Variants in USP20 observed in about 807,000 individuals in gnomAD.
USP20 encodes ubiquitin carboxyl-terminal hydrolase 20.
Under a neutral mutation model 124.2 loss-of-function variants are expected in USP20, and 80 were observed. The ratio of observed to expected loss-of-function variants is 0.64; its 90% CI spans 0.54 to 0.78. USP20 has a LOEUF of 0.78. Ranked by LOEUF, USP20 falls within the 30% of genes least tolerant of loss-of-function variation. USP20 has a pLI of 0.00. For synonymous variants in USP20, 481 were observed against 512.3 expected, an observed-to-expected ratio of 0.94 and a Z score of 0.83; for missense variants, 1,043 against 1,244.4, an observed-to-expected ratio of 0.84 and a Z score of 2.44.
At position 129,837,230 on chromosome 9, in the gene USP20, G is replaced by A. The variant is rs572044027; in HGVS notation, c.-129+1731G>A. The stretch of plus-strand genomic sequence containing the variant: ...CTGGGCCCTTTTAAGCGTAGGATGA[G>A]ACTGTCTCTCAAAAGGACCCTCCGA... On this transcript the variant is annotated intron_variant, in intron 1 of 25. Transcript: ENST00000372429. Among the ~76,000 whole-genome samples, 4 of 152,350 alleles carry A rather than the reference G, an allele frequency of 2.6e-5. No individual in the cohort carries two copies. The East Asian group carries it at 7.7e-4, about 29-fold the overall frequency.
intron 17 of USP20, 31 bp from the exon 18 acceptor site, chr9:129,874,545 T>C (rs1207072043): frequency 6.2e-7 from 1 of 1,609,464 alleles, no homozygotes; most frequent in Non-Finnish European, 8.5e-7. Flanking sequence ...CATTTCTTCC[T>C]AGATGACCGG....
At chr9:129,866,046 G>A (rs1204501483) in intron 10 of USP20, among the ~76,000 whole-genome samples, 3 of 152,248 alleles carry the variant, frequency 2.0e-5, no homozygotes, top group African/African-American at 2.4e-5. Flanking sequence ...GTGCAGCCAC[G>A]CGTACACCTC....
At chr9:129,857,970 T>G in intron 4 of USP20, 80 bp from the exon 5 acceptor site, 1 of 1,358,302 alleles carries the variant, frequency 7.4e-7, no homozygotes, top group Non-Finnish European at 1.0e-6. Flanking sequence ...GGGCACTGAC[T>G]TTGGGATGGA....
At chr9:129,835,618 C>G (rs923416240) in intron 1 of USP20, 119 bp downstream of exon 1, 18 of 158,856 alleles carry the variant, frequency 1.1e-4, no homozygotes, top group Non-Finnish European at 1.8e-4. Flanking sequence ...CGCAGCGGCC[C>G]GGTGAGCGGA....
intron 22 of USP20, among the ~76,000 whole-genome samples, chr9:129,877,024 G>T (rs1306933190): frequency 6.6e-6 from 1 of 152,158 alleles, no homozygotes. Flanking sequence ...AAAGCAGGAA[G>T]TGAAAACCAA....
At chr9:129,846,446 TG>T (rs1325287799) in intron 1 of USP20, among the ~76,000 whole-genome samples, 1 of 149,482 alleles carries the variant, frequency 6.7e-6, no homozygotes, top group Non-Finnish European at 1.5e-5. Flanking sequence ...TTTGTAGAGA[TG>T]GGGTTTCACC....
chr9:129,880,742 C>T lies in USP20; in HGVS notation c.*292C>T, dbSNP rs903504679. The T allele has an allele frequency of 7.3e-5, 12 of 163,734 alleles. No individual in the cohort carries two copies. Among genetic ancestry groups the T allele is most frequent in the Admixed American group, 5.2e-4 (9 of 17,256 alleles). 10.1% of individuals were successfully genotyped at this position (163,734 alleles called of 1,614,324 possible). A position where few individuals can be genotyped will look rare whatever the true frequency, so the allele number is the denominator to read the frequency against. Reference sequence around the variant, plus strand: ...TCGGCCCAGCTTTGTCCCTGGAGCCCGATGCTACCCCTGTCAGACAGAGGC... The same window carrying T: ...TCGGCCCAGCTTTGTCCCTGGAGCCTGATGCTACCCCTGTCAGACAGAGGC... On this transcript the variant is annotated 3_prime_UTR_variant, in exon 26 of 26. Coordinates refer to ENST00000372429, the MANE Select transcript of USP20 (RefSeq NM_001110303.4).
intron 3 of USP20, among the ~76,000 whole-genome samples, chr9:129,854,209 G>C (rs1453283712): frequency 1.3e-5 from 2 of 152,218 alleles, no homozygotes; most frequent in Non-Finnish European, 2.9e-5. Flanking sequence ...GGTAGGGCTA[G>C]GAATTACCGT....
At chr9:129,858,856 A>G (rs1379396223) in intron 6 of USP20, among the ~76,000 whole-genome samples, 7 of 152,068 alleles carry the variant, frequency 4.6e-5, no homozygotes, top group Non-Finnish European at 1.0e-4. Flanking sequence ...CTCGGAGACC[A>G]TGGGGTGGCC....
Position 129,844,643 on chromosome 9 carries a change from A to C in USP20, c.-128-5170A>C, listed in dbSNP as rs1348123627. Among the ~76,000 whole-genome samples, 4 of 147,724 alleles carry C rather than the reference A, an allele frequency of 2.7e-5. No individual in the cohort carries two copies. In the East Asian group the frequency reaches 7.7e-4, roughly 29 times the overall value. On this transcript the variant is annotated intron_variant, in intron 1 of 25. Transcript: ENST00000372429. ...TGTCTCAAAAAAAAAAAAAAAAAAA[A>C]AAAAATTATATATTCGTACATGTAA... is the stretch of plus-strand genomic sequence containing the variant.
chr9:129,862,405 T>C (rs1307922499), intron 8 of USP20, among the ~76,000 whole-genome samples: 1 of 152,028 alleles, frequency 6.6e-6, no homozygotes, highest in Non-Finnish European at 1.5e-5. Flanking sequence ...TACAAAAAAC[T>C]AGCTGGACGT....
chr9:129,841,956 A>T (rs939993782), intron 1 of USP20, among the ~76,000 whole-genome samples: 1 of 152,132 alleles, frequency 6.6e-6, no homozygotes, highest in Non-Finnish European at 1.5e-5. Flanking sequence ...TGTGACTTCT[A>T]TTCCTACCAA....
At chr9:129,863,566 A>T (rs1588269644) in intron 9 of USP20, among the ~76,000 whole-genome samples, 1 of 152,114 alleles carries the variant, frequency 6.6e-6, no homozygotes, top group Admixed American at 6.6e-5. Context: ...CCTACTGTTG[A>T]CCCTACCGAG....
rs1013380026 is a variant in USP20 at position 129,878,421 on chromosome 9, C to T, written c.2493C>T (p.Phe831=). Residue 831 remains phenylalanine (F), a synonymous_variant, in exon 23 of 26, where the codon TTC becomes TTT. Coordinates refer to ENST00000372429, the MANE Select transcript of USP20 (RefSeq NM_001110303.4). ...AGTGGTTCCGGGAGTGGGAGGCGTT[C>T]GTCAAGGGGAAGGACAACGGTGAGC... ...SMQWFREWEA[F]VKGKDNEPPG... The T allele has an allele frequency of 5.0e-6, 8 of 1,609,050 alleles. No individual in the cohort carries two copies. Among genetic ancestry groups the T allele is most frequent in the African/African-American group, 2.7e-5 (2 of 74,876 alleles).
rs547054385 is a variant in USP20, at chr9:129,868,503, A to C, written c.1135+54A>C. ...AACCTCAGCCTATGGCCCAGTACCTACCGGGTGCTGAGCGCCGACCTGCAG... is the reference window on the plus strand; with the variant it reads ...AACCTCAGCCTATGGCCCAGTACCTCCCGGGTGCTGAGCGCCGACCTGCAG... On this transcript the variant is annotated intron_variant, in intron 11 of 25. Coordinates refer to ENST00000372429, the MANE Select transcript of USP20 (RefSeq NM_001110303.4). The C allele has an allele frequency of 2.1e-5, 33 of 1,552,166 alleles. 1 individual carries two copies. The South Asian group carries it at 3.7e-4, about 17-fold the overall frequency.
chr9:129,856,450 G>GC, intron 4 of USP20, 90 bp downstream of exon 4: 1 of 1,475,226 alleles, frequency 6.8e-7, no homozygotes, highest in Non-Finnish European at 9.5e-7. Flanking sequence ...TAGACTCTGG[G>GC]CTGGGAACTT....
chr9:129,856,802 C>T (rs2033240073), intron 4 of USP20, among the ~76,000 whole-genome samples: 2 of 152,138 alleles, frequency 1.3e-5, no homozygotes, highest in African/African-American at 2.4e-5. Context: ...GTCCCCGCCT[C>T]ATGGGGTTAG....
chr9:129,861,643 G>C, intron 8 of USP20, 31 bp downstream of exon 8: 1 of 1,607,412 alleles, frequency 6.2e-7, no homozygotes, highest in Non-Finnish European at 8.5e-7. Flanking sequence ...AGGGCCGAGA[G>C]CTGTCCCTGG....
At chr9:129,842,754 T>C (rs562823145) in intron 1 of USP20, among the ~76,000 whole-genome samples, 49 of 152,086 alleles carry the variant, frequency 3.2e-4, no homozygotes, top group African/African-American at 1.1e-3. Flanking sequence ...CCACCACACC[T>C]GGCTAATTTT....
Sources: gnomAD v4.1 joint callset for allele counts (sites outside exome capture counted in the v4.1 genomes callset) on GRCh38, gnomAD v4.1.1 for gene constraint, MANE v1.5 for transcripts, NCBI Gene and HGNC (gene_info 2026-07-23, HGNC 2026-07-21) for gene names.